Variants in ERCC6L2 observed in about 807,000 individuals in gnomAD.
The protein encoded by ERCC6L2 is ERCC excision repair 6 like 2.
ERCC6L2 carries 77 observed loss-of-function variants against 132.0 expected under a neutral mutation model. That is an observed-to-expected ratio of 0.58 (90% CI 0.49 to 0.71). ERCC6L2 has a LOEUF of 0.71. Among genes scored for constraint, ERCC6L2 ranks in the 30% least tolerant of loss-of-function variants. The pLI is 0.00. For missense variants in ERCC6L2, 1,542 were observed against 1,837.6 expected (o/e 0.84, Z 2.94); for synonymous variants, 583 against 632.4 (o/e 0.92, Z 1.17).
chr9:95,960,122 G>A (rs1343612276), intron 13 of ERCC6L2, among the ~76,000 whole-genome samples: 1 of 152,062 alleles, frequency 6.6e-6, no homozygotes, highest in Non-Finnish European at 1.5e-5. Context: ...AAACAAAGAA[G>A]CAAGACAGAG....
At chr9:95,961,086 T>G (rs926045603) in intron 13 of ERCC6L2, among the ~76,000 whole-genome samples, 3 of 152,162 alleles carry the variant, frequency 2.0e-5, no homozygotes, top group Admixed American at 2.0e-4. Flanking sequence ...ATGAAAATCT[T>G]TAACCAAGCA....
At chr9:96,020,654 G>A (rs1362437386), downstream of ERCC6L2, 1 of 404,266 alleles carries the variant, frequency 2.5e-6, no homozygotes, top group Non-Finnish European at 5.0e-6. Flanking sequence ...GGCAGCTGCA[G>A]ATGATGGAAT....
At chr9:95,912,119 A>G (rs1281934749) in intron 4 of ERCC6L2, among the ~76,000 whole-genome samples, 1 of 152,132 alleles carries the variant, frequency 6.6e-6, no homozygotes, top group East Asian at 1.9e-4. Flanking sequence ...TGGAGCCACC[A>G]ATTCTTAACT....
chr9:96,006,479 C>T (rs974049233), intron 18 of ERCC6L2, among the ~76,000 whole-genome samples: 7 of 151,938 alleles, frequency 4.6e-5, no homozygotes, highest in South Asian at 2.1e-4. Flanking sequence ...GCTATGAGTT[C>T]GGATGGAAGC....
intron 11 of ERCC6L2, among the ~76,000 whole-genome samples, chr9:95,933,051 T>G (rs1830408864): frequency 6.6e-6 from 1 of 152,144 alleles, no homozygotes; most frequent in South Asian, 2.1e-4. Context: ...CTTTGCTTCT[T>G]CAGCAAGGAC....
chr9:95,880,798 C>T, intron 1 of ERCC6L2, 71 bp from the exon 2 acceptor site: 2 of 1,399,016 alleles, frequency 1.4e-6, no homozygotes, highest in South Asian at 1.4e-5. Context: ...TATTGTTTCT[C>T]ACAGCTGTGA....
intron 1 of ERCC6L2, among the ~76,000 whole-genome samples, chr9:95,879,515 G>A (rs1052435059): frequency 3.9e-5 from 6 of 152,146 alleles, no homozygotes; most frequent in Non-Finnish European, 4.4e-5. Context: ...TATGAAAATT[G>A]GGCCCATTGA....
rs1035093093 is a variant in ERCC6L2 at position 96,015,695 on chromosome 9, C to T, written c.*2492C>T. 6.6e-6 allele frequency among the ~76,000 whole-genome samples: 1 copy of T among 150,888 alleles called. No homozygotes were observed. The highest frequency in any genetic ancestry group is 1.5e-5 in the Non-Finnish European group (1 of 67,822). On this transcript the variant is annotated 3_prime_UTR_variant, in exon 19 of 19. Coordinates refer to ENST00000653738, the MANE Select transcript of ERCC6L2 (RefSeq NM_020207.7). ...GTGGGCGCCTGTAGTCCCAGCTACT[C>T]GGGAGGCTGAGGCAGGAGAATGGCG...
chr9:95,912,522 C>T (rs1290892534), intron 4 of ERCC6L2, among the ~76,000 whole-genome samples: 4 of 152,114 alleles, frequency 2.6e-5, no homozygotes, highest in Non-Finnish European at 1.5e-5. Flanking sequence ...AACATGACAT[C>T]CTTATCCCTA....
chr9:95,941,868 A>C (rs74859207), intron 12 of ERCC6L2, among the ~76,000 whole-genome samples: 14,576 of 152,214 alleles, frequency 0.096, 798 homozygotes, highest in Admixed American at 0.14. Flanking sequence ...ATAGAAAGCA[A>C]GTAGAATCTG....
chr9:95,884,258 CTGT>C (rs923183698), intron 2 of ERCC6L2, among the ~76,000 whole-genome samples: 9 of 152,054 alleles, frequency 5.9e-5, no homozygotes, highest in African/African-American at 2.2e-4. Flanking sequence ...TCTCTGGTTA[CTGT>C]TGTTGTAACT....
In ERCC6L2 at chr9:95,898,069, C is replaced by G. The variant is rs1176299737; in HGVS notation, c.594+98C>G. On this transcript the variant is annotated intron_variant, in intron 3 of 18. Transcript: ENST00000653738. ...TCACACATTAAAATGTATTGGTATA[C>G]ATTTTAAAACCTAAGAATTTAAAGA... The G allele has an allele frequency of 2.8e-6, 3 of 1,071,466 alleles. No individual in the cohort carries two copies. In the East Asian group the frequency reaches 8.4e-5, roughly 30 times the overall value. 66.4% of individuals were successfully genotyped at this position (1,071,466 alleles called of 1,614,324 possible). A position where few individuals can be genotyped will look rare whatever the true frequency, so the allele number is the denominator to read the frequency against.
chr9:95,942,470 A>G (rs1194586836), intron 12 of ERCC6L2, among the ~76,000 whole-genome samples: 1 of 152,172 alleles, frequency 6.6e-6, no homozygotes, highest in Non-Finnish European at 1.5e-5. Context: ...ACTATTGCCA[A>G]AATAAAGTGA....
chr9:95,925,860 A>G (rs1354800861), intron 9 of ERCC6L2, among the ~76,000 whole-genome samples: 1 of 152,206 alleles, frequency 6.6e-6, no homozygotes, highest in Non-Finnish European at 1.5e-5. Flanking sequence ...TGGTTTACAA[A>G]TATACAGGTA....
At chr9:96,030,876 T>C (rs1391920227) in intron 19 of ERCC6L2, among the ~76,000 whole-genome samples, 1 of 152,098 alleles carries the variant, frequency 6.6e-6, no homozygotes, top group East Asian at 1.9e-4. Flanking sequence ...CTTCTGAGCC[T>C]TCATTCCTTC....
chr9:95,876,102 G>A lies in ERCC6L2; in HGVS notation c.46+18G>A. On this transcript the variant is annotated intron_variant, in intron 1 of 18. Transcript: ENST00000653738. ...AGGCAAAGGTACCAGCTCCGCGCTC[G>A]CCCCTTACGCAGAGGCCTGTGTACT... 6.4e-7 allele frequency: 1 copy of A among 1,557,896 alleles called. No individual in the cohort carries two copies. The highest frequency in any genetic ancestry group is 1.4e-5 in the African/African-American group (1 of 73,432).
intron 9 of ERCC6L2, among the ~76,000 whole-genome samples, chr9:95,924,651 TAA>T (rs1830026515): frequency 6.6e-6 from 1 of 152,104 alleles, no homozygotes; most frequent in South Asian, 2.1e-4. Flanking sequence ...GTCTTGAAAT[TAA>T]GTTTTATAAC....
At chr9:95,965,343 A>G (rs1303366208) in intron 13 of ERCC6L2, among the ~76,000 whole-genome samples, 4 of 152,194 alleles carry the variant, frequency 2.6e-5, no homozygotes, top group Non-Finnish European at 4.4e-5. Context: ...TATTTCTAAA[A>G]TTGAGATGAT....
chr9:95,876,277 C>A, intron 1 of ERCC6L2, 193 bp downstream of exon 1: 1 of 527,498 alleles, frequency 1.9e-6, no homozygotes, highest in Non-Finnish European at 3.4e-6. Flanking sequence ...CGGGAGTCAG[C>A]CCCTGGGATC....
Sources: allele counts gnomAD v4.1 joint callset (sites outside exome capture counted in the v4.1 genomes callset), GRCh38; gene constraint gnomAD v4.1.1; transcripts MANE v1.5; gene names NCBI Gene and HGNC (gene_info 2026-07-23, HGNC 2026-07-21).